WWOX: variants seen among roughly 807,000 people sequenced by gnomAD.
WWOX encodes the protein WW domain-containing oxidoreductase.
A neutral mutation model predicts 46.2 loss-of-function variants in WWOX; 69 were observed. That is an observed-to-expected ratio of 1.49 (90% CI 1.23 to 1.82). The LOEUF (loss-of-function observed/expected upper bound fraction) is 1.82, where lower values mean the gene tolerates loss of function less well. Among genes scored for constraint, WWOX ranks in the 40% most tolerant of loss-of-function variants. The pLI, the probability that WWOX is intolerant of heterozygous loss-of-function variation, is 0.00. For synonymous variants in WWOX, 359 were observed against 202.6 expected (o/e 1.77, Z -6.56); for missense variants, 919 against 542.6 (o/e 1.69, Z -6.89).
At chr16:78,307,455 A>G (rs2080154880) in intron 5 of WWOX, among the ~76,000 whole-genome samples, 1 of 152,160 alleles carries the variant, frequency 6.6e-6, no homozygotes, top group African/African-American at 2.4e-5. Context: ...GACTGTGACT[A>G]CGAAAGAGGA....
intron 8 of WWOX, among the ~76,000 whole-genome samples, chr16:78,820,408 A>T (rs1163129547): frequency 6.6e-6 from 1 of 152,176 alleles, no homozygotes; most frequent in African/African-American, 2.4e-5. Context: ...TTGTTTGGAG[A>T]CATCTCAGTA....
chr16:78,485,519 C>T (rs2345998), intron 8 of WWOX, among the ~76,000 whole-genome samples: 17,051 of 152,240 alleles, frequency 0.11, 1,231 homozygotes, highest in African/African-American at 0.21. Flanking sequence ...ACTGCACCAA[C>T]TCCCCTTTCA....
intron 8 of WWOX, among the ~76,000 whole-genome samples, chr16:79,005,824 C>A (rs989861690): frequency 6.6e-6 from 1 of 152,138 alleles, no homozygotes; most frequent in Non-Finnish European, 1.5e-5. Flanking sequence ...TTCAGGCCAC[C>A]ATATATGGAT....
chr16:78,141,764 G>A (rs977825853), intron 4 of WWOX, among the ~76,000 whole-genome samples: 1 of 151,698 alleles, frequency 6.6e-6, no homozygotes, highest in Non-Finnish European at 1.5e-5. Flanking sequence ...GTTTTTTTTG[G>A]ATAGAAATTT....
chr16:78,639,328 C>A (rs183175701), intron 8 of WWOX, among the ~76,000 whole-genome samples: 38 of 152,276 alleles, frequency 2.5e-4, no homozygotes, highest in African/African-American at 9.1e-4. Flanking sequence ...GAGACCGGCA[C>A]CTGGGCTCAC....
At chr16:79,053,159 A>G (rs1472821333) in intron 8 of WWOX, among the ~76,000 whole-genome samples, 3 of 152,198 alleles carry the variant, frequency 2.0e-5, no homozygotes, top group African/African-American at 7.2e-5. Context: ...TTAGGAAGAA[A>G]CAACTGGATT....
chr16:78,872,622 G>C (rs1481670367), intron 8 of WWOX: 2 of 152,124 alleles, frequency 1.3e-5, no homozygotes, highest in Admixed American at 6.6e-5. Flanking sequence ...AATGCTCACT[G>C]TCTTTCTCAT....
chr16:78,145,760 T>C (rs759834675), intron 4 of WWOX, among the ~76,000 whole-genome samples: 4 of 152,156 alleles, frequency 2.6e-5, no homozygotes, highest in Non-Finnish European at 4.4e-5. Context: ...TGTGTCCAGA[T>C]TTCCCCTTTT....
intron 8 of WWOX, among the ~76,000 whole-genome samples, chr16:78,531,569 G>A (rs1019468204): frequency 4.6e-5 from 7 of 152,198 alleles, no homozygotes; most frequent in South Asian, 2.1e-4. Context: ...TGGGCTGGGC[G>A]TGGTGGCTCA....
intron 8 of WWOX, among the ~76,000 whole-genome samples, chr16:78,992,982 C>T (rs1443997698): frequency 6.6e-6 from 1 of 151,988 alleles, no homozygotes; most frequent in Non-Finnish European, 1.5e-5. Context: ...TGACTTCCTC[C>T]CTCTCTTTCC....
At position 78,314,522 on chromosome 16, in the gene WWOX, TG is replaced by T. The variant is rs200488970; in HGVS notation, c.517-72334del. Among the ~76,000 whole-genome samples, 1,118 of 142,920 alleles carry T rather than the reference TG, an allele frequency of 7.8e-3. 27 individuals carry two copies. In the East Asian group the frequency reaches 0.1, roughly 13 times the overall value. The allele number at this position is 142,920 out of a possible 152,430, so 93.8% of individuals were successfully genotyped here. On this transcript the variant is annotated intron_variant, in intron 5 of 8. Transcript: ENST00000566780. ...CCTCTATCAGGATGGTGCCAATTTG[TG>T]GGGTTTTTTTTTTTTTTTGAGTCGG...
chr16:78,227,925 C>T (rs1268969789), intron 5 of WWOX, among the ~76,000 whole-genome samples: 1 of 151,954 alleles, frequency 6.6e-6, no homozygotes, highest in Non-Finnish European at 1.5e-5. Context: ...CTATTGAACC[C>T]CAGTGCAGCC....
chr16:78,337,729 T>C (rs2080925337), intron 5 of WWOX, among the ~76,000 whole-genome samples: 1 of 125,462 alleles, frequency 8.0e-6, no homozygotes, highest in South Asian at 2.3e-4. Flanking sequence ...CTAGAGGATC[T>C]CAGTGCTCAG....
intron 8 of WWOX, among the ~76,000 whole-genome samples, chr16:78,692,677 G>A (rs1406002293): frequency 1.3e-5 from 2 of 152,200 alleles, no homozygotes; most frequent in Admixed American, 1.3e-4. Flanking sequence ...CACCAGTGGA[G>A]TCCCATAAAT....
At chr16:78,820,980 C>G (rs1465907648) in intron 8 of WWOX, among the ~76,000 whole-genome samples, 3 of 152,178 alleles carry the variant, frequency 2.0e-5, no homozygotes, top group Non-Finnish European at 4.4e-5. Context: ...AGTCATTGGA[C>G]TTAGGACCCA....
At chr16:78,409,701 T>A (rs1265926744) in intron 6 of WWOX, among the ~76,000 whole-genome samples, 1 of 152,214 alleles carries the variant, frequency 6.6e-6, no homozygotes, top group African/African-American at 2.4e-5. Flanking sequence ...CTCATTGGGC[T>A]AAAATTAAGG....
chr16:78,400,117 A>C (rs1353772858), intron 6 of WWOX, among the ~76,000 whole-genome samples: 1 of 152,196 alleles, frequency 6.6e-6, no homozygotes, highest in Non-Finnish European at 1.5e-5. Flanking sequence ...TTAGCGGTAA[A>C]GTTCGTCAGT....
intron 8 of WWOX, among the ~76,000 whole-genome samples, chr16:79,023,626 C>T (rs920053326): frequency 2.0e-5 from 3 of 151,958 alleles, no homozygotes; most frequent in African/African-American, 7.3e-5. Context: ...CTGGGATGAA[C>T]CTCAAACATT....
rs114987254 is a variant in WWOX, at chr16:78,542,829, A to T, written c.1056+110077A>T. Among the ~76,000 whole-genome samples, 176 of 152,248 alleles carry T rather than the reference A, an allele frequency of 1.2e-3. 1 individual carries two copies. The highest frequency in any genetic ancestry group is 4.1e-3 in the African/African-American group (171 of 41,558). ...TTCTTTCTTTCTTAATGCAGGGAAA[A>T]TTGAGATGGGATTCTCAGTTAAAAC... On this transcript the variant is annotated intron_variant, in intron 8 of 8. Coordinates refer to ENST00000566780, the MANE Select transcript of WWOX (RefSeq NM_016373.4).
Sources: gnomAD v4.1 joint callset for allele counts (sites outside exome capture counted in the v4.1 genomes callset) on GRCh38, gnomAD v4.1.1 for gene constraint, MANE v1.5 for transcripts, NCBI Gene and HGNC (gene_info 2026-07-23, HGNC 2026-07-21) for gene names.